PDE1C: variants seen among roughly 807,000 people sequenced by gnomAD.
PDE1C encodes dual specificity calcium/calmodulin-dependent 3',5'-cyclic nucleotide phosphodiesterase 1C.
In PDE1C, 62 loss-of-function variants were observed where a neutral mutation model predicts 93.1. The ratio of observed to expected loss-of-function variants is 0.67; its 90% CI spans 0.54 to 0.82. PDE1C has a LOEUF of 0.82. Ranked by LOEUF, PDE1C falls within the 40% of genes least tolerant of loss-of-function variation. The pLI is 0.00. For synonymous variants in PDE1C, 325 were observed against 310.1 expected, an observed-to-expected ratio of 1.05 and a Z score of -0.50; for missense variants, 742 against 884.6, an observed-to-expected ratio of 0.84 and a Z score of 2.04.
chr7:31,695,552 G>A, the PDE1C span: 10 of 1,613,964 alleles, frequency 6.2e-6, no homozygotes, highest in South Asian at 1.1e-5. Flanking sequence ...CACCCTGAAT[G>A]TTGAGTCAGA....
intron 16 of PDE1C, among the ~76,000 whole-genome samples, chr7:31,794,038 A>AGACG (rs1562807452): frequency 1.2e-4 from 13 of 111,962 alleles, no homozygotes; most frequent in African/African-American, 2.2e-4. Flanking sequence ...ATAGATAGAT[A>AGACG]GATAGACAGA....
intron 1 of PDE1C, among the ~76,000 whole-genome samples, chr7:32,054,429 C>A (rs1238497423): frequency 1.3e-5 from 2 of 152,168 alleles, no homozygotes. Flanking sequence ...ATGTAGTGTG[C>A]CTGCCATGTA....
intron 2 of PDE1C, chr7:31,941,610 T>G (rs1805856926): frequency 6.6e-6 from 1 of 152,464 alleles, no homozygotes; most frequent in Non-Finnish European, 1.5e-5. Context: ...TAAATTAATA[T>G]GGCAATAACA....
the PDE1C span, among the ~76,000 whole-genome samples, chr7:31,674,437 A>G: frequency 1.3e-5 from 2 of 152,192 alleles, no homozygotes; most frequent in Admixed American, 1.3e-4. Flanking sequence ...GTTAGAAATG[A>G]GAAAAGAAAA....
intron 17 of PDE1C, among the ~76,000 whole-genome samples, chr7:31,773,551 T>C (rs963017535): frequency 2.6e-5 from 4 of 151,888 alleles, no homozygotes; most frequent in African/African-American, 9.7e-5. Flanking sequence ...CCCAAGAGCA[T>C]AATAACCTCA....
At chr7:31,709,149 G>A in the PDE1C span, among the ~76,000 whole-genome samples, 1 of 152,178 alleles carries the variant, frequency 6.6e-6, no homozygotes, top group Non-Finnish European at 1.5e-5. Flanking sequence ...CTGTAGCCAT[G>A]TCTGCAGAGA....
At chr7:31,854,052 G>GT (rs1793693041) in intron 7 of PDE1C, among the ~76,000 whole-genome samples, 1 of 151,960 alleles carries the variant, frequency 6.6e-6, no homozygotes, top group South Asian at 2.1e-4. Context: ...AGATTGAAAA[G>GT]TTCATATAGG....
At chr7:32,359,049 C>T (rs1784084286) in intron 1 of PDE1C, among the ~76,000 whole-genome samples, 1 of 152,194 alleles carries the variant, frequency 6.6e-6, no homozygotes, top group South Asian at 2.1e-4. Flanking sequence ...AATCCCCACC[C>T]TTGATATCTG....
chr7:32,147,737 A>G (rs1374333051), intron 3 of PDE1C, among the ~76,000 whole-genome samples: 2 of 151,444 alleles, frequency 1.3e-5, no homozygotes, highest in Middle Eastern at 6.9e-3. Flanking sequence ...CACAATTCCC[A>G]TATGTATTTT....
the PDE1C span, among the ~76,000 whole-genome samples, chr7:31,689,732 G>A: frequency 6.6e-6 from 1 of 152,032 alleles, no homozygotes; most frequent in Non-Finnish European, 1.5e-5. Flanking sequence ...CCCTCCACTT[G>A]CTTGTTCTTT....
At chr7:32,342,036 A>C (rs1264814822) in intron 1 of PDE1C, among the ~76,000 whole-genome samples, 1 of 136,952 alleles carries the variant, frequency 7.3e-6, no homozygotes, top group Non-Finnish European at 1.6e-5. Flanking sequence ...GAGGGTTAGT[A>C]GTATATAAAT....
the PDE1C span, among the ~76,000 whole-genome samples, chr7:31,725,037 A>G: frequency 6.6e-6 from 1 of 152,196 alleles, no homozygotes; most frequent in Admixed American, 6.5e-5. Flanking sequence ...TAAGCATTTA[A>G]GGGTTCCCTT....
At chr7:31,648,129 T>C in the PDE1C span, among the ~76,000 whole-genome samples, 1 of 152,196 alleles carries the variant, frequency 6.6e-6, no homozygotes, top group Non-Finnish European at 1.5e-5. Context: ...GCTTCCATAT[T>C]GTTTATGATT....
intron 7 of PDE1C, among the ~76,000 whole-genome samples, chr7:31,862,359 G>A (rs1273967172): frequency 6.6e-6 from 1 of 152,182 alleles, no homozygotes; most frequent in East Asian, 1.9e-4. Flanking sequence ...TTGGGTAGCT[G>A]TAACTGAATG....
At position 31,816,001 on chromosome 7, in the gene PDE1C, G is replaced by A; in HGVS notation, c.1736C>T (p.Thr579Ile). The A allele has an allele frequency of 6.2e-7, 1 of 1,613,984 alleles. No homozygotes were observed. Among genetic ancestry groups the A allele is most frequent in the South Asian group, 1.1e-5 (1 of 91,086 alleles). Residue 579 changes from threonine (T) to isoleucine (I), a missense_variant, in exon 15 of 18, where the codon ACA becomes ATA. By Grantham distance (89) the Thr-to-Ile change is moderately conservative. Around this residue, in one of 4 missense-constraint regions of PDE1C, gnomAD observed 454 missense variants for 459.4 expected, o/e 0.99. Coordinates refer to ENST00000396191, the MANE Select transcript of PDE1C (RefSeq NM_001191057.4). The part of the protein sequence containing the change: ...SGETKNQVNG[T>I]RANKSDNPRG... Reference sequence around the variant, plus strand: ...AGGGTTGTCACTTTTGTTTGCCCGTGTTCCATTGACTTGATTCTTAGTTTC... The same window carrying A: ...AGGGTTGTCACTTTTGTTTGCCCGTATTCCATTGACTTGATTCTTAGTTTC...
At chr7:31,840,213 T>C (rs758130642) in intron 9 of PDE1C, among the ~76,000 whole-genome samples, 2 of 152,196 alleles carry the variant, frequency 1.3e-5, no homozygotes, top group Non-Finnish European at 2.9e-5. Context: ...TAATTTACAT[T>C]TCTTTGTTGA....
In PDE1C at chr7:31,875,831, A is replaced by ATATATATATATATATATATATATG. The variant is rs761399274; in HGVS notation, c.492+2138_492+2139insCATATATATATATATATATATATA. On this transcript the variant is annotated intron_variant, in intron 5 of 17. Coordinates refer to ENST00000396191, the MANE Select transcript of PDE1C (RefSeq NM_001191057.4). ...TATATATATATATATATATATATATATATAATGGAAAAAGTAAAATAACAT... is the reference window on the plus strand; with the variant it reads ...TATATATATATATATATATATATATATATATATATATATATATATATATGTATAATGGAAAAAGTAAAATAACAT... Among the ~76,000 whole-genome samples, 7 of 90,120 alleles carry ATATATATATATATATATATATATG rather than the reference A, an allele frequency of 7.8e-5. 1 individual carries two copies. The highest frequency in any genetic ancestry group is 2.0e-4 in the African/African-American group (5 of 24,406). 59.1% of individuals were successfully genotyped at this position (90,120 alleles called of 152,430 possible).
intron 2 of PDE1C, among the ~76,000 whole-genome samples, chr7:32,000,214 C>T (rs916369825): frequency 6.6e-6 from 1 of 152,156 alleles, no homozygotes; most frequent in South Asian, 2.1e-4. Flanking sequence ...CCTCAGATTT[C>T]CTCATCTGTA....
At chr7:31,963,934 A>G (rs1026297342) in intron 2 of PDE1C, among the ~76,000 whole-genome samples, 1 of 152,264 alleles carries the variant, frequency 6.6e-6, no homozygotes, top group Non-Finnish European at 1.5e-5. Context: ...ATCATGAAGC[A>G]TGACTTTATC....
Sources: allele counts gnomAD v4.1 joint callset (sites outside exome capture counted in the v4.1 genomes callset), GRCh38; gene constraint gnomAD v4.1.1; regional missense constraint gnomAD v4.1.1; transcripts MANE v1.5; gene names NCBI Gene and HGNC (gene_info 2026-07-23, HGNC 2026-07-21).